Variants in UNC13C observed in about 807,000 individuals in gnomAD.
UNC13C encodes the protein protein unc-13 homolog C.
In UNC13C, 174 loss-of-function variants were observed where a neutral mutation model predicts 245.4. That is an observed-to-expected ratio of 0.71 (90% CI 0.63 to 0.80). UNC13C has a LOEUF of 0.80. UNC13C is among the 30% of genes least tolerant of loss of function. UNC13C has a pLI of 0.00. For synonymous variants in UNC13C, 992 were observed against 895.1 expected (o/e 1.11, Z -1.93); for missense variants, 2,829 against 2,602.9 (o/e 1.09, Z -1.89).
intron 4 of UNC13C, among the ~76,000 whole-genome samples, chr15:54,219,515 T>A (rs1322133402): frequency 1.3e-5 from 2 of 148,508 alleles, no homozygotes; most frequent in Non-Finnish European, 3.0e-5. Flanking sequence ...AACCTAGGCA[T>A]TACCATTCAG....
At chr15:54,283,007 G>T (rs1330907906) in intron 10 of UNC13C, among the ~76,000 whole-genome samples, 5 of 152,110 alleles carry the variant, frequency 3.3e-5, no homozygotes, top group Admixed American at 1.3e-4. Flanking sequence ...CTCAAAGGTG[G>T]ACATGAAAAC....
intron 30 of UNC13C, among the ~76,000 whole-genome samples, chr15:54,570,119 G>A (rs908854535): frequency 2.4e-4 from 36 of 152,110 alleles, no homozygotes; most frequent in Non-Finnish European, 5.9e-5. Flanking sequence ...GCATCCAAAC[G>A]CTGGTCTCTC....
chr15:53,855,330 T>C, the UNC13C span, among the ~76,000 whole-genome samples: 1 of 152,148 alleles, frequency 6.6e-6, no homozygotes, highest in East Asian at 1.9e-4. Flanking sequence ...TCTAATACTA[T>C]GTTGAGTAGG....
chr15:53,995,203 A>C (rs984988697), intron 1 of UNC13C, among the ~76,000 whole-genome samples: 5 of 152,124 alleles, frequency 3.3e-5, no homozygotes, highest in African/African-American at 1.2e-4. Flanking sequence ...TAGAAGATAG[A>C]TGCAGACATA....
intron 2 of UNC13C, among the ~76,000 whole-genome samples, chr15:54,135,115 T>G (rs1045168971): frequency 6.6e-6 from 1 of 152,166 alleles, no homozygotes; most frequent in East Asian, 1.9e-4. Flanking sequence ...ATGTCTTTTT[T>G]GAAAAAAATA....
In UNC13C at chr15:54,500,956, A is replaced by G. The variant is rs765524323; in HGVS notation, c.5279A>G (p.His1760Arg). The G allele has an allele frequency of 6.2e-7, 1 of 1,612,570 alleles. No homozygotes were observed. Among genetic ancestry groups the G allele is most frequent in the Admixed American group, 1.7e-5 (1 of 59,914 alleles). The stretch of plus-strand genomic sequence containing the variant: ...TGCCCTAATCCTGAAGCATTATCTC[A>G]CTTAATGAGAAGATTTGCAAAGGTA... ...LECPNPEALS[H>R]LMRRFAKTIN... The change falls in exon 22 of 33, where the codon CAC becomes CGC. Residue 1760 changes from histidine (H) to arginine (R), a missense_variant. Coordinates refer to ENST00000260323, the MANE Select transcript of UNC13C (RefSeq NM_001080534.3).
At chr15:54,406,484 G>T (rs916459739) in intron 18 of UNC13C, among the ~76,000 whole-genome samples, 6 of 152,156 alleles carry the variant, frequency 3.9e-5, no homozygotes, top group Non-Finnish European at 7.4e-5. Flanking sequence ...CTTGAAATAT[G>T]CAATTTGCCA....
the UNC13C span, among the ~76,000 whole-genome samples, chr15:53,931,996 A>G: frequency 1.3e-5 from 2 of 152,122 alleles, no homozygotes; most frequent in Non-Finnish European, 2.9e-5. Context: ...AATTTGTTAC[A>G]TACTAGGTGC....
intron 19 of UNC13C, among the ~76,000 whole-genome samples, chr15:54,449,772 G>A (rs553402583): frequency 2.6e-5 from 4 of 152,248 alleles, no homozygotes; most frequent in Admixed American, 2.6e-4. Flanking sequence ...TCTTCTCTCA[G>A]CTCATCAGTC....
At chr15:54,497,829 A>C (rs1184424201) in intron 20 of UNC13C, among the ~76,000 whole-genome samples, 1 of 152,098 alleles carries the variant, frequency 6.6e-6, no homozygotes, top group Non-Finnish European at 1.5e-5. Context: ...CATTATAAAC[A>C]CTCTAGGCTT....
the UNC13C span, among the ~76,000 whole-genome samples, chr15:53,863,394 A>G: frequency 2.0e-5 from 3 of 152,198 alleles, no homozygotes; most frequent in Non-Finnish European, 2.9e-5. Context: ...AATTAGTACA[A>G]TCTTTCTAAA....
chr15:54,083,541 C>T (rs1391461870), intron 2 of UNC13C, among the ~76,000 whole-genome samples: 1 of 152,208 alleles, frequency 6.6e-6, no homozygotes, highest in Non-Finnish European at 1.5e-5. Flanking sequence ...GGGAGAACCT[C>T]TGCTGTATCC....
At chr15:54,086,231 C>T (rs1899231334) in intron 2 of UNC13C, among the ~76,000 whole-genome samples, 1 of 152,152 alleles carries the variant, frequency 6.6e-6, no homozygotes, top group African/African-American at 2.4e-5. Context: ...ACTTCTCAGC[C>T]TCTAATGCAC....
chr15:54,442,710 G>A (rs1043723096), intron 19 of UNC13C, among the ~76,000 whole-genome samples: 1 of 152,032 alleles, frequency 6.6e-6, no homozygotes, highest in Non-Finnish European at 1.5e-5. Context: ...ATTCTTTGAT[G>A]TGATGTATCA....
At chr15:54,099,326 C>T (rs1027047842) in intron 2 of UNC13C, among the ~76,000 whole-genome samples, 6 of 152,094 alleles carry the variant, frequency 3.9e-5, no homozygotes, top group Non-Finnish European at 7.4e-5. Context: ...ATCTAATTTT[C>T]CTCTGGCTCC....
At chr15:54,534,899 C>T (rs1355249152) in intron 26 of UNC13C, among the ~76,000 whole-genome samples, 1 of 152,114 alleles carries the variant, frequency 6.6e-6, no homozygotes, top group Non-Finnish European at 1.5e-5. Context: ...CTCAAGATGT[C>T]CCTAAGGGAG....
chr15:54,567,445 T>A (rs1463487183), intron 29 of UNC13C, among the ~76,000 whole-genome samples: 2 of 152,142 alleles, frequency 1.3e-5, no homozygotes, highest in African/African-American at 4.8e-5. Context: ...ATTTTTCTCA[T>A]ATTCAAGAAA....
chr15:54,325,082 C>T, intron 14 of UNC13C, among the ~76,000 whole-genome samples: 1 of 151,794 alleles, frequency 6.6e-6, no homozygotes, highest in East Asian at 1.9e-4. Flanking sequence ...ATATCCCTGG[C>T]ATAGAAGCAC....
At chr15:53,954,345 A>G in the UNC13C span, among the ~76,000 whole-genome samples, 1 of 152,236 alleles carries the variant, frequency 6.6e-6, no homozygotes, top group Admixed American at 6.5e-5. Flanking sequence ...TGTTAAGCAC[A>G]GCAGTTTCAT....
Sources: allele counts gnomAD v4.1 joint callset (sites outside exome capture counted in the v4.1 genomes callset), GRCh38; gene constraint gnomAD v4.1.1; transcripts MANE v1.5; gene names NCBI Gene and HGNC (gene_info 2026-07-23, HGNC 2026-07-21).